CDH2: variants seen among roughly 807,000 people sequenced by gnomAD.
CDH2 encodes cadherin-2.
Under a neutral mutation model 92.0 loss-of-function variants are expected in CDH2, and 17 were observed. That is an observed-to-expected ratio of 0.18 (90% CI 0.13 to 0.28). The LOEUF (loss-of-function observed/expected upper bound fraction) is 0.28, where lower values mean the gene tolerates loss of function less well. CDH2 is among the 10% of genes least tolerant of loss of function. The pLI is 1.00. For synonymous variants in CDH2, 419 were observed against 415.9 expected, an observed-to-expected ratio of 1.01 and a Z score of -0.09; for missense variants, 862 against 1,133.1, an observed-to-expected ratio of 0.76 and a Z score of 3.44.
chr18:28,068,058 A>G (rs1042753648), intron 2 of CDH2, among the ~76,000 whole-genome samples: 2 of 152,214 alleles, frequency 1.3e-5, no homozygotes, highest in African/African-American at 4.8e-5. Flanking sequence ...AAAACAGAAT[A>G]ATAAATATCC....
At chr18:28,127,971 G>A (rs560363569) in intron 2 of CDH2, among the ~76,000 whole-genome samples, 1 of 152,120 alleles carries the variant, frequency 6.6e-6, no homozygotes, top group South Asian at 2.1e-4. Context: ...ATGCTCAGTG[G>A]CAAACAGTTT....
At chr18:28,088,443 G>T (rs1446181120) in intron 2 of CDH2, among the ~76,000 whole-genome samples, 1 of 152,150 alleles carries the variant, frequency 6.6e-6, no homozygotes, top group Non-Finnish European at 1.5e-5. Flanking sequence ...GAATTAAATT[G>T]AAAATCATTT....
intron 2 of CDH2, among the ~76,000 whole-genome samples, chr18:28,080,553 C>T (rs2014810073): frequency 2.6e-5 from 4 of 152,146 alleles, no homozygotes; most frequent in South Asian, 4.2e-4. Flanking sequence ...ACCTGGAAAC[C>T]TTTGATTATC....
intron 2 of CDH2, among the ~76,000 whole-genome samples, chr18:28,057,761 A>G (rs1251691243): frequency 6.6e-6 from 1 of 152,208 alleles, no homozygotes; most frequent in Non-Finnish European, 1.5e-5. Context: ...AGTCGAATGC[A>G]CCTGAATTGG....
chr18:28,070,223 A>G (rs913824195), intron 2 of CDH2, among the ~76,000 whole-genome samples: 2 of 152,182 alleles, frequency 1.3e-5, no homozygotes, highest in African/African-American at 4.8e-5. Context: ...AGTTGCATAG[A>G]AAGTATAGTA....
At chr18:27,955,252 G>T (rs976797320) in intron 15 of CDH2, among the ~76,000 whole-genome samples, 1 of 151,480 alleles carries the variant, frequency 6.6e-6, no homozygotes, top group Non-Finnish European at 1.5e-5. Context: ...AGCATTAGGA[G>T]AAATACCTAA....
chr18:27,937,031 A>G (rs1909035777), intron 6 of CDH2, among the ~76,000 whole-genome samples: 1 of 152,242 alleles, frequency 6.6e-6, no homozygotes, highest in South Asian at 2.1e-4. Flanking sequence ...ACATTCATTC[A>G]TATTCAAAAT....
At chr18:28,036,414 T>C in intron 2 of CDH2, 1 of 844,410 alleles carries the variant, frequency 1.2e-6, no homozygotes, top group South Asian at 1.4e-5. Flanking sequence ...TGTTACTTTG[T>C]TTTCCAAGTT....
intron 2 of CDH2, among the ~76,000 whole-genome samples, chr18:28,045,790 C>T (rs1304949479): frequency 6.6e-6 from 1 of 152,186 alleles, no homozygotes. Flanking sequence ...AGCTCTGGTG[C>T]TCAGCTCAGA....
At chr18:27,987,383 G>C (rs528441451) in intron 11 of CDH2, among the ~76,000 whole-genome samples, 29 of 152,240 alleles carry the variant, frequency 1.9e-4, no homozygotes, top group South Asian at 1.0e-3. Context: ...TATTTCTTTG[G>C]TTGGTCACTA....
At chr18:27,953,643 G>A (rs913941248) in intron 15 of CDH2, among the ~76,000 whole-genome samples, 1 of 79,828 alleles carries the variant, frequency 1.3e-5, no homozygotes, top group South Asian at 6.7e-4. Flanking sequence ...GGGAAGAAGA[G>A]CAAAAAAATT....
chr18:28,119,172 T>G (rs1293400365), intron 2 of CDH2, among the ~76,000 whole-genome samples: 1 of 152,116 alleles, frequency 6.6e-6, no homozygotes. Context: ...AAGAATCCTT[T>G]GGGAAACTTT....
rs2013106257 is a variant in CDH2, at chr18:28,011,770, A to G, written c.546+76T>C. ...ATACATGTCATAAATTCTACTTTGT[A>G]AAAAAAATAGACAGAAATATTTTTA... On this transcript the variant is annotated intron_variant, in intron 4 of 15. Transcript: ENST00000269141. 2.2e-6 allele frequency: 3 copies of G among 1,359,286 alleles called. No individual in the cohort carries two copies. In the South Asian group the frequency reaches 3.9e-5, roughly 18 times the overall value. The allele number at this position is 1,359,286 out of a possible 1,614,324, so 84.2% of individuals were successfully genotyped here.
At chr18:28,068,738 T>A (rs2014560376) in intron 2 of CDH2, among the ~76,000 whole-genome samples, 1 of 152,230 alleles carries the variant, frequency 6.6e-6, no homozygotes, top group African/African-American at 2.4e-5. Flanking sequence ...AAGGTTGACA[T>A]GAAATCCCTT....
intron 1 of CDH2, among the ~76,000 whole-genome samples, chr18:28,176,056 C>T (rs1296757582): frequency 6.6e-6 from 1 of 152,230 alleles, no homozygotes; most frequent in African/African-American, 2.4e-5. Flanking sequence ...CCGCAGCGTG[C>T]AGTGGCGAGG....
At chr18:28,072,705 G>A (rs1971779056) in intron 2 of CDH2, among the ~76,000 whole-genome samples, 1 of 152,234 alleles carries the variant, frequency 6.6e-6, no homozygotes, top group African/African-American at 2.4e-5. Context: ...GCTTTATGAT[G>A]TACTTCCTAT....
chr18:28,078,285 T>A (rs951916589), intron 2 of CDH2, among the ~76,000 whole-genome samples: 3 of 152,136 alleles, frequency 2.0e-5, no homozygotes, highest in African/African-American at 7.2e-5. Context: ...CCTGGAACTG[T>A]GCAAACACTA....
chr18:28,115,149 T>A (rs1180694432), intron 2 of CDH2, among the ~76,000 whole-genome samples: 2 of 152,072 alleles, frequency 1.3e-5, no homozygotes, highest in Admixed American at 1.3e-4. Flanking sequence ...GGAAACAAAC[T>A]GATATCCAGA....
intron 6 of CDH2, among the ~76,000 whole-genome samples, chr18:27,941,033 CTTTTTTTTTT>C (rs59212895): frequency 1.6e-5 from 2 of 124,604 alleles, no homozygotes; most frequent in East Asian, 2.7e-4. Flanking sequence ...TAAGTAGCAC[CTTTTTTTTTT>C]TTTTTTTTTT....
Sources: allele counts gnomAD v4.1 joint callset (sites outside exome capture counted in the v4.1 genomes callset), GRCh38; gene constraint gnomAD v4.1.1; transcripts MANE v1.5; gene names NCBI Gene and HGNC (gene_info 2026-07-23, HGNC 2026-07-21).